UBTF: variants seen among roughly 807,000 people sequenced by gnomAD.
UBTF encodes nucleolar transcription factor 1.
UBTF carries 8 observed loss-of-function variants against 112.3 expected under a neutral mutation model. The ratio of observed to expected loss-of-function variants is 0.07; its 90% CI spans 0.04 to 0.13. The LOEUF (loss-of-function observed/expected upper bound fraction) is 0.13, where lower values mean the gene tolerates loss of function less well. Among genes scored for constraint, UBTF ranks in the 10% least tolerant of loss-of-function variants. The pLI, the probability that UBTF is intolerant of heterozygous loss-of-function variation, is 1.00. For missense variants in UBTF, 457 were observed against 982.1 expected (o/e 0.47, Z 7.15); for synonymous variants, 417 against 373.1 (o/e 1.12, Z -1.36).
At chr17:44,209,209 C>T (rs900250355) in intron 17 of UBTF, 143 bp downstream of exon 17, 23 of 820,692 alleles carry the variant, frequency 2.8e-5, no homozygotes, top group African/African-American at 5.3e-5. Flanking sequence ...TGATAGTGAC[C>T]GTTATCCTGA....
chr17:44,206,433 C>G lies in UBTF; in HGVS notation c.*809G>C, dbSNP rs2056244228. The G allele has an allele frequency of 6.8e-6, 1 of 146,838 alleles. No individual in the cohort carries two copies. Among genetic ancestry groups the G allele is most frequent in the South Asian group, 2.2e-4 (1 of 4,608 alleles). 9.1% of individuals were successfully genotyped at this position (146,838 alleles called of 1,614,324 possible). ...CCCTTTACACACACACACACACACT[C>G]ACACTCTTTTGCACACATCCACAGC... On this transcript the variant is annotated 3_prime_UTR_variant, in exon 21 of 21. Coordinates refer to ENST00000436088, the MANE Select transcript of UBTF (RefSeq NM_014233.4).
At chr17:44,213,382 C>A in intron 5 of UBTF, 100 bp from the exon 6 acceptor site, 1 of 1,319,916 alleles carries the variant, frequency 7.6e-7, no homozygotes, top group Non-Finnish European at 1.0e-6. Context: ...TTCTGCCTCC[C>A]ACGCTGTGAT....
chr17:44,216,494 G>A, intron 3 of UBTF, 35 bp downstream of exon 3: 2 of 1,610,002 alleles, frequency 1.2e-6, no homozygotes, highest in South Asian at 1.1e-5. Context: ...TGAGTGGGGG[G>A]TATGTGTGTA....
In UBTF at chr17:44,206,210, T is replaced by C. The variant is rs1313352456; in HGVS notation, c.*1032A>G. On this transcript the variant is annotated 3_prime_UTR_variant, in exon 21 of 21. Coordinates refer to ENST00000436088, the MANE Select transcript of UBTF (RefSeq NM_014233.4). ...CCAGCAGCTCGGATGCATGTGACTCTGGCAGAGGGAGCCTGGTCTGGGAAG... is the reference window on the plus strand; with the variant it reads ...CCAGCAGCTCGGATGCATGTGACTCCGGCAGAGGGAGCCTGGTCTGGGAAG... 1.3e-5 allele frequency: 2 copies of C among 152,016 alleles called. No individual in the cohort carries two copies. Among genetic ancestry groups the C allele is most frequent in the African/African-American group, 2.4e-5 (1 of 41,370 alleles). The allele number at this position is 152,016 out of a possible 1,614,324, so 9.4% of individuals were successfully genotyped here. A position where few individuals can be genotyped will look rare whatever the true frequency, so the allele number is the denominator to read the frequency against.
At chr17:44,221,093 A>C (rs1473430386), upstream of UBTF, 1 of 108,640 alleles carries the variant, frequency 9.2e-6, no homozygotes, top group Non-Finnish European at 1.6e-5. Context: ...GGTTGCACAA[A>C]AAAAATTTTT....
chr17:44,209,806 C>T, intron 15 of UBTF, 73 bp from the exon 16 acceptor site: 2 of 1,497,768 alleles, frequency 1.3e-6, no homozygotes, highest in South Asian at 2.3e-5. Flanking sequence ...CTCATGCCAT[C>T]AGCACCTTAG....
chr17:44,213,173 T>C (rs764425820), intron 6 of UBTF, 45 bp downstream of exon 6: 2 of 1,600,580 alleles, frequency 1.2e-6, no homozygotes, highest in Non-Finnish European at 1.7e-6. Flanking sequence ...CCTATTCTGC[T>C]GCCCCCAGTG....
At chr17:44,219,984 C>T (rs1394201367), upstream of UBTF, among the ~76,000 whole-genome samples, 1 of 146,864 alleles carries the variant, frequency 6.8e-6, no homozygotes, top group Non-Finnish European at 1.5e-5. Context: ...TGGGGGGACC[C>T]GGGCGGCCGA....
chr17:44,216,193 T>A, intron 3 of UBTF: 2 of 613,744 alleles, frequency 3.3e-6, no homozygotes, highest in Non-Finnish European at 5.7e-6. Context: ...AGGCAGTCAG[T>A]ACACACCAAA....
In UBTF at chr17:44,207,520, G is replaced by A. The variant is rs1346088221; in HGVS notation, c.2103C>T (p.Asp701=). 1 of 1,613,856 alleles carries A rather than the reference G, an allele frequency of 6.2e-7. No homozygotes were observed. ...DEEEEDDENG[D]SSEDGGDSSE... is the part of the protein sequence containing the mutation. ...AGGAGTCGCCGCCATCTTCAGAGGA[G>A]TCCCCATTCTCATCATCTTCCTCTT... Residue 701 remains aspartate, a synonymous_variant, in exon 20 of 21, where the codon GAC becomes GAT. Coordinates refer to ENST00000436088, the MANE Select transcript of UBTF (RefSeq NM_014233.4).
intron 1 of UBTF, chr17:44,219,215 G>A (rs2047033556): frequency 1.3e-5 from 2 of 151,432 alleles, no homozygotes; most frequent in South Asian, 4.1e-4. Context: ...GCGCCTGCCG[G>A]CTCCGAGAAG....
intron 4 of UBTF, 44 bp downstream of exon 4, chr17:44,215,862 C>A: frequency 1.2e-6 from 2 of 1,614,042 alleles, no homozygotes; most frequent in Non-Finnish European, 1.7e-6. Flanking sequence ...CTTCTTTGGA[C>A]CTTTCCTCCC....
rs963167769 is a variant in UBTF, at chr17:44,219,625, C to T, written c.-248G>A. The T allele has an allele frequency of 3.1e-5, 5 of 163,068 alleles. No homozygotes were observed. The highest frequency in any genetic ancestry group is 7.3e-5 in the African/African-American group (3 of 41,080). The allele number at this position is 163,068 out of a possible 1,614,324, so 10.1% of individuals were successfully genotyped here. On this transcript the variant is annotated 5_prime_UTR_variant, in exon 1 of 21. Transcript: ENST00000436088. ...GCTGCTGCTGCTGTGGCGGCGGCGGCGGCGGCGGCGGCTGTGGCTGCTGCC... is the reference window on the plus strand; with the variant it reads ...GCTGCTGCTGCTGTGGCGGCGGCGGTGGCGGCGGCGGCTGTGGCTGCTGCC...
intron 13 of UBTF, 92 bp from the exon 14 acceptor site, chr17:44,210,565 G>A (rs1567794397): frequency 6.9e-7 from 1 of 1,448,946 alleles, no homozygotes; most frequent in East Asian, 2.5e-5. Flanking sequence ...CCGGCGGGCA[G>A]AAGCATGGGC....
intron 1 of UBTF, 102 bp from the exon 2 acceptor site, chr17:44,218,398 A>C: frequency 1.5e-6 from 1 of 668,408 alleles, no homozygotes; most frequent in South Asian, 1.7e-5. Context: ...ACACTCTGAG[A>C]GACTCAGCCA....
rs777794639 is a variant in UBTF, at chr17:44,218,269, G to C, written c.-40C>G. 5 of 1,608,446 alleles carry C rather than the reference G, an allele frequency of 3.1e-6. No individual in the cohort carries two copies. The highest frequency in any genetic ancestry group is 3.4e-6 in the Non-Finnish European group (4 of 1,178,138). On this transcript the variant is annotated 5_prime_UTR_variant, in exon 2 of 21. Coordinates refer to ENST00000436088, the MANE Select transcript of UBTF (RefSeq NM_014233.4). The stretch of plus-strand genomic sequence containing the variant: ...GCCACCTCCTCGGTCGTGCTGGCCG[G>C]GCAACCCGGGGTCAAAGCCACCTCA...
chr17:44,208,982 C>T (rs1479753327), intron 17 of UBTF: 3 of 317,734 alleles, frequency 9.4e-6, no homozygotes, highest in East Asian at 2.6e-4. Context: ...GTCAGGAGTT[C>T]GAGACCAGCC....
intron 1 of UBTF, chr17:44,219,049 C>G (rs897433990): frequency 9.4e-5 from 14 of 149,532 alleles, no homozygotes; most frequent in African/African-American, 3.4e-4. Context: ...GCGGGAACCG[C>G]CGCCTCCTCC....
intron 1 of UBTF, 81 bp from the exon 2 acceptor site, chr17:44,218,377 G>C (rs368223085): frequency 5.0e-5 from 39 of 772,746 alleles, no homozygotes; most frequent in East Asian, 2.1e-4. Flanking sequence ...AGAGTAGAAG[G>C]GGGCAGGTCC....
Sources: gnomAD v4.1 joint callset for allele counts (sites outside exome capture counted in the v4.1 genomes callset) on GRCh38, gnomAD v4.1.1 for gene constraint, MANE v1.5 for transcripts, NCBI Gene and HGNC (gene_info 2026-07-23, HGNC 2026-07-21) for gene names.